The following AMMECR1L variants were observed in gnomAD, a reference collection of about 807,000 sequenced individuals.
AMMECR1L encodes AMMECR1 like, also known as AMMECR1-like protein.
A neutral mutation model predicts 36.8 loss-of-function variants in AMMECR1L; 4 were observed. The ratio of observed to expected loss-of-function variants is 0.11; its 90% confidence interval spans 0.05 to 0.25. The LOEUF (loss-of-function observed/expected upper bound fraction) is 0.25. Ranked by LOEUF, AMMECR1L falls within the 10% of genes least tolerant of loss-of-function variation. The probability of loss-of-function intolerance (pLI) is 1.00; values close to 1 mark genes in which losing one functional copy is unlikely to be tolerated. For missense variants in AMMECR1L, 232 were observed against 392.1 expected, an observed-to-expected ratio of 0.59 and a Z score of 3.45; for synonymous variants, 147 against 148.0, an observed-to-expected ratio of 0.99 and a Z score of 0.05.
At chr2:127,884,505 T>G (rs529867691) in intron 1 of AMMECR1L, among the ~76,000 whole-genome samples, 193 bp from the exon 2 acceptor site, 2 of 152,216 alleles carry the variant, frequency 1.3e-5, no homozygotes, top group South Asian at 4.2e-4. Context: ...TGAAGTCCCA[T>G]GCCCTGAATC....
intron 5 of AMMECR1L, among the ~76,000 whole-genome samples, chr2:127,870,286 C>A (rs538178072): frequency 6.6e-6 from 1 of 150,626 alleles, no homozygotes; most frequent in African/African-American, 2.5e-5. Context: ...TGCACTCCAG[C>A]CTGGCGACAG....
In AMMECR1L at chr2:127,863,041, T is replaced by G. The variant is rs1289775767; in HGVS notation, c.*2053A>C. On this transcript the variant is annotated 3_prime_UTR_variant, in exon 8 of 8. Coordinates refer to ENST00000272647, the MANE Select transcript of AMMECR1L (RefSeq NM_001199140.2). The stretch of plus-strand genomic sequence containing the variant: ...TCAGGGGTGAAGGTTTAGCACCAAT[T>G]TTTTTGCTTTTTTTAATCTTTAGAA... The G allele has an allele frequency of 6.6e-6, 1 of 152,424 alleles. No individual in the cohort carries two copies. Among genetic ancestry groups the G allele is most frequent in the Non-Finnish European group, 1.5e-5 (1 of 68,018 alleles). 9.4% of individuals were successfully genotyped at this position (152,424 alleles called of 1,614,324 possible).
Position 127,873,486 on chromosome 2 carries a change from G to C in AMMECR1L, c.407+342C>G. 4.1e-6 allele frequency: 4 copies of C among 985,416 alleles called. No homozygotes were observed. Among genetic ancestry groups the C allele is most frequent in the Non-Finnish European group, 4.8e-6 (4 of 829,938 alleles). 61.0% of individuals were successfully genotyped at this position (985,416 alleles called of 1,614,324 possible). A position where few individuals can be genotyped will look rare whatever the true frequency, so the allele number is the denominator to read the frequency against. On this transcript the variant is annotated intron_variant, in intron 3 of 7. Transcript: ENST00000272647. The surrounding 1 kb of genome is among the most constrained non-coding windows in gnomAD (Gnocchi z 5.2). ...CAACTCACCTGGACTTCAACACTAT[G>C]GGTGTCCCCAATGGTATGGCGTGAC...
Position 127,861,635 on chromosome 2 carries a change from A to C in AMMECR1L, c.*3459T>G, listed in dbSNP as rs1453851605. 1 of 152,220 alleles carries C rather than the reference A, an allele frequency of 6.6e-6. No homozygotes were observed. Among genetic ancestry groups the C allele is most frequent in the African/African-American group, 2.4e-5 (1 of 41,460 alleles). The allele number at this position is 152,220 out of a possible 1,614,324, so 9.4% of individuals were successfully genotyped here. ...GAAAAAGCAGAACAAAACGATTTTT[A>C]TCCATTATGATTTATTCTCTACAAT... On this transcript the variant is annotated 3_prime_UTR_variant, in exon 8 of 8. Transcript: ENST00000272647.
chr2:127,868,762 G>A (rs7601772), intron 6 of AMMECR1L, among the ~76,000 whole-genome samples: 31 of 151,208 alleles, frequency 2.1e-4, no homozygotes, highest in African/African-American at 7.5e-4. Context: ...GGCTCGCTCT[G>A]TCACCAGGCT....
chr2:127,876,411 C>T (rs62158426), intron 2 of AMMECR1L, among the ~76,000 whole-genome samples: 385 of 151,168 alleles, frequency 2.5e-3, no homozygotes, highest in Admixed American at 4.3e-3. Flanking sequence ...GATCCTCTCA[C>T]TACAGCCTCC....
At chr2:127,877,052 T>C (rs192164769) in intron 2 of AMMECR1L, among the ~76,000 whole-genome samples, 2,141 of 148,612 alleles carry the variant, frequency 0.014, 58 homozygotes, top group African/African-American at 0.051. Flanking sequence ...TATATATATA[T>C]ATATGTACAT....
Position 127,873,773 on chromosome 2 carries a change from C to T in AMMECR1L, c.407+55G>A. On this transcript the variant is annotated intron_variant, in intron 3 of 7. Coordinates refer to ENST00000272647, the MANE Select transcript of AMMECR1L (RefSeq NM_001199140.2). The surrounding 1 kb of genome is among the most constrained non-coding windows in gnomAD (Gnocchi z 5.2). ...TAGCAGACCCTCTCAAGAGAATCACCCCAGAAAGATGTCACCATGCCTTCC... is the reference window on the plus strand; with the variant it reads ...TAGCAGACCCTCTCAAGAGAATCACTCCAGAAAGATGTCACCATGCCTTCC... The T allele has an allele frequency of 1.9e-6, 3 of 1,611,142 alleles. No individual in the cohort carries two copies. Among genetic ancestry groups the T allele is most frequent in the Non-Finnish European group, 2.5e-6 (3 of 1,179,628 alleles).
Position 127,873,453 on chromosome 2 carries a change from CA to C in AMMECR1L, c.407+374del, listed in dbSNP as rs1424488400. ...AGCTCCTAGTCTCCAGCCTGGCCCT[CA>C]GACTTCCAACTCACCTGGACTTCAA... On this transcript the variant is annotated intron_variant, in intron 3 of 7. Transcript: ENST00000272647. This position sits in a 1 kb window ranked among gnomAD's most constrained non-coding sequence, Gnocchi z 5.2. The C allele has an allele frequency of 1.0e-6, 1 of 985,332 alleles. No individual in the cohort carries two copies. Among genetic ancestry groups the C allele is most frequent in the Non-Finnish European group, 1.2e-6 (1 of 829,950 alleles). 61.0% of individuals were successfully genotyped at this position (985,332 alleles called of 1,614,324 possible).
At chr2:127,872,174 G>C (rs1225872670) in intron 3 of AMMECR1L, among the ~76,000 whole-genome samples, 2 of 147,224 alleles carry the variant, frequency 1.4e-5, no homozygotes, top group Non-Finnish European at 1.5e-5. Flanking sequence ...CGACAAGACT[G>C]AGACTCTGTC....
intron 5 of AMMECR1L, 121 bp downstream of exon 5, chr2:127,870,693 T>C: frequency 2.8e-6 from 2 of 725,546 alleles, no homozygotes; most frequent in South Asian, 4.6e-5. Context: ...CCACAATTGG[T>C]TCCAAACTCA....
At position 127,869,628 on chromosome 2, in the gene AMMECR1L, C is replaced by T; in HGVS notation, c.634-84G>A. The T allele has an allele frequency of 8.6e-7, 1 of 1,159,680 alleles. No homozygotes were observed. Among genetic ancestry groups the T allele is most frequent in the Non-Finnish European group, 1.3e-6 (1 of 773,230 alleles). The allele number at this position is 1,159,680 out of a possible 1,614,324, so 71.8% of individuals were successfully genotyped here. A position where few individuals can be genotyped will look rare whatever the true frequency, so the allele number is the denominator to read the frequency against. ...CCCCACATATAAATCAACATTGTTC[C>T]CTGACCAGCTTAACACAGGCCTGGA... On this transcript the variant is annotated intron_variant, in intron 5 of 7. Transcript: ENST00000272647. This position sits in a 1 kb window ranked among gnomAD's most constrained non-coding sequence, Gnocchi z 4.7.
Position 127,869,462 on chromosome 2 carries a change from T to A in AMMECR1L, c.716A>T (p.Lys239Met). 1 of 1,612,796 alleles carries A rather than the reference T, an allele frequency of 6.2e-7. No individual in the cohort carries two copies. The highest frequency in any genetic ancestry group is 8.5e-7 in the Non-Finnish European group (1 of 1,178,714). ...CCATTCATCCAACTCACCTTGTTCC[T>A]TAGCAACCTCAGGTAAATATGTGGC... ...RTATYLPEVA[K>M]EQDWDQIQTI... is the part of the protein sequence containing the mutation. The change falls in exon 6 of 8, where the codon AAG (lysine) becomes ATG (methionine). Residue 239 changes from lysine (K) to methionine (M), a missense_variant. Lys to Met is a moderately conservative substitution (Grantham distance 95). Coordinates refer to ENST00000272647, the MANE Select transcript of AMMECR1L (RefSeq NM_001199140.2). This position sits in a 1 kb window ranked among gnomAD's most constrained non-coding sequence, Gnocchi z 4.7.
At position 127,868,317 on chromosome 2, in the gene AMMECR1L, C is replaced by T. The variant is rs114181483; in HGVS notation, c.724+1137G>A. On this transcript the variant is annotated intron_variant, in intron 6 of 7. Transcript: ENST00000272647. ...AATTATTTACTTAAGTTATTATTTACACCTCCCCATTACAAAACATGGTAT... is the reference window on the plus strand; with the variant it reads ...AATTATTTACTTAAGTTATTATTTATACCTCCCCATTACAAAACATGGTAT... Among the ~76,000 whole-genome samples the T allele has an allele frequency of 2.2e-3, 342 of 152,296 alleles. 2 individuals carry two copies. The highest frequency in any genetic ancestry group is 4.4e-3 in the Non-Finnish European group (296 of 68,022).
At position 127,871,039 on chromosome 2, in the gene AMMECR1L, T is replaced by G; in HGVS notation, c.519-111A>C. On this transcript the variant is annotated intron_variant, in intron 4 of 7. Coordinates refer to ENST00000272647, the MANE Select transcript of AMMECR1L (RefSeq NM_001199140.2). The surrounding 1 kb of genome is among the most constrained non-coding windows in gnomAD (Gnocchi z 4.3). ...CTTGAGCTATGCAGAGAGTATCTATTGTTCATCAACACTAACATGTTAAAA... is the reference window on the plus strand; with the variant it reads ...CTTGAGCTATGCAGAGAGTATCTATGGTTCATCAACACTAACATGTTAAAA... The G allele has an allele frequency of 1.0e-6, 1 of 955,336 alleles. No homozygotes were observed. The allele number at this position is 955,336 out of a possible 1,614,324, so 59.2% of individuals were successfully genotyped here.
Position 127,871,029 on chromosome 2 carries a change from G to T in AMMECR1L, c.519-101C>A. 1 of 986,394 alleles carries T rather than the reference G, an allele frequency of 1.0e-6. No homozygotes were observed. The highest frequency in any genetic ancestry group is 1.5e-6 in the Non-Finnish European group (1 of 665,454). The allele number at this position is 986,394 out of a possible 1,614,324, so 61.1% of individuals were successfully genotyped here. A position where few individuals can be genotyped will look rare whatever the true frequency, so the allele number is the denominator to read the frequency against. The stretch of plus-strand genomic sequence containing the variant: ...ATTTATGAATCTTGAGCTATGCAGA[G>T]AGTATCTATTGTTCATCAACACTAA... On this transcript the variant is annotated intron_variant, in intron 4 of 7. Coordinates refer to ENST00000272647, the MANE Select transcript of AMMECR1L (RefSeq NM_001199140.2). This position sits in a 1 kb window ranked among gnomAD's most constrained non-coding sequence, Gnocchi z 4.3.
intron 5 of AMMECR1L, 129 bp downstream of exon 5, chr2:127,870,685 A>T: frequency 1.5e-6 from 1 of 666,710 alleles, no homozygotes; most frequent in African/African-American, 1.8e-5. Flanking sequence ...TATGTTGCCC[A>T]CAATTGGTTC....
intron 6 of AMMECR1L, chr2:127,867,396 C>T: frequency 1.3e-6 from 1 of 787,662 alleles, no homozygotes. Context: ...TTTGTGTGAT[C>T]TTCCTTCAAT....
rs1246873317 is a variant in AMMECR1L, at chr2:127,873,138, T to TA, written c.407+689dup. Reference sequence around the variant, plus strand: ...CAAAAGCATACCCCCAAAACAAAAATAAAAAAACAGCAATGCTCTTCAAAG... The same window carrying TA: ...CAAAAGCATACCCCCAAAACAAAAATAAAAAAAACAGCAATGCTCTTCAAAG... On this transcript the variant is annotated intron_variant, in intron 3 of 7. Transcript: ENST00000272647. This position sits in a 1 kb window ranked among gnomAD's most constrained non-coding sequence, Gnocchi z 5.2. 3.1e-5 allele frequency: 31 copies of TA among 985,152 alleles called. No homozygotes were observed. In the East Asian group the frequency reaches 3.3e-3, roughly 105 times the overall value. The allele number at this position is 985,152 out of a possible 1,614,324, so 61.0% of individuals were successfully genotyped here. A position where few individuals can be genotyped will look rare whatever the true frequency, so the allele number is the denominator to read the frequency against.
Sources: allele counts gnomAD v4.1 joint callset (sites outside exome capture counted in the v4.1 genomes callset), GRCh38; gene constraint gnomAD v4.1.1; non-coding constraint Gnocchi (gnomAD v3.1); transcripts MANE v1.5; gene names NCBI Gene and HGNC (gene_info 2026-07-23, HGNC 2026-07-21).